NXNL2: variants seen among roughly 807,000 people sequenced by gnomAD.
NXNL2 encodes nucleoredoxin-like protein 2.
A neutral mutation model predicts 11.1 loss-of-function variants in NXNL2; 7 were observed. The observed-to-expected ratio is 0.63, with a 90% CI of 0.36 to 1.18. The LOEUF is 1.18. Among genes scored for constraint, NXNL2 ranks in the 50% most tolerant of loss-of-function variants. The pLI is 0.02. For synonymous variants in NXNL2, 109 were observed against 101.8 expected, an observed-to-expected ratio of 1.07 and a Z score of -0.42; for missense variants, 233 against 217.7, an observed-to-expected ratio of 1.07 and a Z score of -0.44.
chr9:88,541,900 A>G (rs1409349328), intron 1 of NXNL2, among the ~76,000 whole-genome samples: 3 of 152,142 alleles, frequency 2.0e-5, no homozygotes, highest in Non-Finnish European at 4.4e-5. Context: ...TATTTCCCAT[A>G]TAACATACAG....
downstream of NXNL2, among the ~76,000 whole-genome samples, chr9:88,577,649 A>AAGAGAGC (rs1830363583): frequency 7.8e-6 from 1 of 129,008 alleles, no homozygotes; most frequent in Non-Finnish European, 1.7e-5. Flanking sequence ...GAGAGAGAAG[A>AAGAGAGC]GAGCGAGCGA....
chr9:88,537,231 T>G (rs1236680683), intron 1 of NXNL2, among the ~76,000 whole-genome samples: 1 of 152,234 alleles, frequency 6.6e-6, no homozygotes, highest in African/African-American at 2.4e-5. Context: ...GATGTGCCAT[T>G]GAGGCATAGA....
At chr9:88,581,719 G>C (rs185287356) in intron 1 of NXNL2, among the ~76,000 whole-genome samples, 4 of 152,200 alleles carry the variant, frequency 2.6e-5, no homozygotes, top group Non-Finnish European at 5.9e-5. Context: ...GCCTCCCAAA[G>C]TGTTGGGATT....
intron 1 of NXNL2, among the ~76,000 whole-genome samples, chr9:88,582,362 G>C (rs890580867): frequency 6.6e-6 from 1 of 152,062 alleles, no homozygotes; most frequent in Non-Finnish European, 1.5e-5. Context: ...CCAGCTACTC[G>C]GGAGGCTGAG....
downstream of NXNL2, among the ~76,000 whole-genome samples, chr9:88,580,396 C>G (rs187183998): frequency 1.1e-4 from 17 of 152,172 alleles, no homozygotes; most frequent in African/African-American, 4.1e-4. Context: ...CTCAGGTGAT[C>G]CACCTGCCTC....
chr9:88,537,339 A>G (rs1803861003), intron 1 of NXNL2, among the ~76,000 whole-genome samples: 1 of 151,994 alleles, frequency 6.6e-6, no homozygotes, highest in African/African-American at 2.4e-5. Context: ...CACAGATTGG[A>G]CTGGGGAGGT....
downstream of NXNL2, among the ~76,000 whole-genome samples, chr9:88,577,181 A>G (rs1031337719): frequency 6.6e-6 from 1 of 152,154 alleles, no homozygotes; most frequent in South Asian, 2.1e-4. Context: ...AGTGAGGGTT[A>G]AAAGTGCATG....
downstream of NXNL2, among the ~76,000 whole-genome samples, chr9:88,577,859 G>T (rs1220190159): frequency 6.6e-6 from 1 of 152,198 alleles, no homozygotes; most frequent in South Asian, 2.1e-4. Flanking sequence ...CAAGAATCCT[G>T]GGTGGTTGGG....
At chr9:88,569,386 T>C (rs1174337717) in intron 1 of NXNL2, among the ~76,000 whole-genome samples, 1 of 152,232 alleles carries the variant, frequency 6.6e-6, no homozygotes, top group Non-Finnish European at 1.5e-5. Context: ...GTGCAGTATG[T>C]AGTTTCTTGC....
chr9:88,570,371 GCCT>G (rs1830243054), intron 1 of NXNL2, among the ~76,000 whole-genome samples: 1 of 152,166 alleles, frequency 6.6e-6, no homozygotes, highest in Non-Finnish European at 1.5e-5. Flanking sequence ...CCATGCCTTG[GCCT>G]CCCAAAGTGC....
chr9:88,582,700 G>A (rs1392869304), intron 1 of NXNL2, among the ~76,000 whole-genome samples: 3 of 116,024 alleles, frequency 2.6e-5, no homozygotes, highest in African/African-American at 9.8e-5. Flanking sequence ...TGACAGTCTT[G>A]CTCTGTCACC....
rs1262952380 is a variant in NXNL2, at chr9:88,544,486, G to T, written c.410G>T (p.Gly137Val). The T allele has an allele frequency of 6.4e-7, 1 of 1,551,580 alleles. No homozygotes were observed. Among genetic ancestry groups the T allele is most frequent in the East Asian group, 2.4e-5 (1 of 40,910 alleles). The change falls in exon 2 of 2, where the codon GGG (glycine) becomes GTG (valine). Residue 137 changes from glycine to valine, a missense_variant. Gly to Val is a moderately radical substitution (Grantham distance 109). Transcript: ENST00000375854. The part of the protein sequence containing the change: ...NKGRKQIRER[G>V]LACFQDWVEA... Reference sequence around the variant, plus strand: ...GGGCGGAAGCAGATCCGGGAACGGGGGTTGGCCTGCTTCCAGGACTGGGTG... The same window carrying T: ...GGGCGGAAGCAGATCCGGGAACGGGTGTTGGCCTGCTTCCAGGACTGGGTG...
At chr9:88,535,759 C>T (rs762484471) in intron 1 of NXNL2, 23 bp downstream of exon 1, 5 of 1,167,968 alleles carry the variant, frequency 4.3e-6, no homozygotes, top group Admixed American at 2.3e-5. Flanking sequence ...CCTGGGGGGG[C>T]GGGGGCCGCC....
downstream of NXNL2, among the ~76,000 whole-genome samples, chr9:88,578,554 G>A (rs1288131185): frequency 6.6e-6 from 1 of 152,246 alleles, no homozygotes; most frequent in African/African-American, 2.4e-5. Flanking sequence ...GGCTGTTGCC[G>A]CTGGCTGTGT....
At chr9:88,568,669 T>G (rs1830214306) in intron 1 of NXNL2, among the ~76,000 whole-genome samples, 1 of 152,246 alleles carries the variant, frequency 6.6e-6, no homozygotes, top group Non-Finnish European at 1.5e-5. Context: ...TTTTATCATC[T>G]GGTAGAGCAA....
downstream of NXNL2, among the ~76,000 whole-genome samples, chr9:88,577,304 G>A (rs576365587): frequency 6.6e-6 from 1 of 151,912 alleles, no homozygotes; most frequent in Non-Finnish European, 1.5e-5. Context: ...ACTGGGCGGG[G>A]GGGGCGGCAT....
chr9:88,553,154 A>G (rs1029798270), intron 1 of NXNL2, among the ~76,000 whole-genome samples: 2 of 152,134 alleles, frequency 1.3e-5, no homozygotes, highest in Non-Finnish European at 2.9e-5. Flanking sequence ...AATTGAGGAG[A>G]TCCACTTCAC....
chr9:88,555,108 G>A (rs980623632), intron 1 of NXNL2, among the ~76,000 whole-genome samples: 2 of 152,218 alleles, frequency 1.3e-5, no homozygotes, highest in East Asian at 3.8e-4. Flanking sequence ...GCTTAGCCCA[G>A]GAGGCCACAT....
At chr9:88,576,910 G>A (rs924264004), downstream of NXNL2, among the ~76,000 whole-genome samples, 2 of 152,166 alleles carry the variant, frequency 1.3e-5, no homozygotes, top group Non-Finnish European at 2.9e-5. Context: ...CTCCAACACT[G>A]TGTTCCCTGC....
Sources: gnomAD v4.1 joint callset for allele counts (sites outside exome capture counted in the v4.1 genomes callset) on GRCh38, gnomAD v4.1.1 for gene constraint, MANE v1.5 for transcripts, NCBI Gene and HGNC (gene_info 2026-07-23, HGNC 2026-07-21) for gene names.